Variants in FILIP1 observed in about 807,000 individuals in gnomAD.
The protein encoded by FILIP1 is filamin A interacting protein 1, also known as filamin-A-interacting protein 1.
In FILIP1, 61 loss-of-function variants were observed where a neutral mutation model predicts 102.1. The ratio of observed to expected loss-of-function variants is 0.60; its 90% CI spans 0.49 to 0.74. The LOEUF is 0.74. Among genes scored for constraint, FILIP1 ranks in the 30% least tolerant of loss-of-function variants. The probability of loss-of-function intolerance (pLI) is 0.00; values close to 1 mark genes in which losing one functional copy is unlikely to be tolerated. For synonymous variants in FILIP1, 491 were observed against 526.9 expected, an observed-to-expected ratio of 0.93 and a Z score of 0.93; for missense variants, 1,314 against 1,441.2, an observed-to-expected ratio of 0.91 and a Z score of 1.43.
At chr6:75,305,390 T>C (rs1772957570), downstream of FILIP1, among the ~76,000 whole-genome samples, 1 of 152,214 alleles carries the variant, frequency 6.6e-6, no homozygotes, top group South Asian at 2.1e-4. Context: ...TCCGAAATTA[T>C]ACTCTTCCCA....
chr6:75,319,321 C>CT (rs1773557445), intron 4 of FILIP1: 1 of 651,520 alleles, frequency 1.5e-6, no homozygotes, highest in Non-Finnish European at 2.9e-6. Flanking sequence ...GGATGTTCTT[C>CT]TTTGATTTTT....
chr6:75,309,931 C>T (rs777767629), intron 5 of FILIP1, among the ~76,000 whole-genome samples: 2 of 152,090 alleles, frequency 1.3e-5, no homozygotes, highest in Non-Finnish European at 2.9e-5. Flanking sequence ...CTGTTTTCCA[C>T]ACACATGTTT....
At chr6:75,338,714 G>C (rs1169574396) in intron 4 of FILIP1, among the ~76,000 whole-genome samples, 1 of 152,146 alleles carries the variant, frequency 6.6e-6, no homozygotes, top group Non-Finnish European at 1.5e-5. Context: ...TGCCAATTTA[G>C]AGCAGAATTC....
At chr6:75,326,116 T>G (rs117636429) in intron 4 of FILIP1, among the ~76,000 whole-genome samples, 7 of 108,790 alleles carry the variant, frequency 6.4e-5, no homozygotes, top group African/African-American at 9.4e-5. Flanking sequence ...GATAGAGAGA[T>G]AGATAGATAT....
intron 4 of FILIP1, among the ~76,000 whole-genome samples, chr6:75,316,936 T>G (rs1412241222): frequency 6.6e-6 from 1 of 152,248 alleles, no homozygotes; most frequent in Non-Finnish European, 1.5e-5. Flanking sequence ...TAAAATACCA[T>G]TTTCAAATTC....
At chr6:75,340,728 C>G (rs999724519) in intron 4 of FILIP1, among the ~76,000 whole-genome samples, 2 of 151,934 alleles carry the variant, frequency 1.3e-5, no homozygotes, top group Non-Finnish European at 2.9e-5. Flanking sequence ...TGGAGTCTCA[C>G]TTTGTCACTC....
At chr6:75,381,375 G>A (rs1195157555) in intron 2 of FILIP1, among the ~76,000 whole-genome samples, 1 of 151,878 alleles carries the variant, frequency 6.6e-6, no homozygotes, top group African/African-American at 2.4e-5. Context: ...GATTACAGGC[G>A]CGTGCCACCA....
chr6:75,334,558 C>T (rs1313416263), intron 4 of FILIP1: 1 of 152,146 alleles, frequency 6.6e-6, no homozygotes, highest in African/African-American at 2.4e-5. Flanking sequence ...GAGTTTACTG[C>T]CAAGTAAGCC....
chr6:75,372,675 AAGAAAGAAAGAGAAAGAAAG>A lies in FILIP1; in HGVS notation c.277-9778_277-9759del, dbSNP rs1481876086. ...AAAGAAAGAAAGAAAGAAAGAAAGA[AAGAAAGAAAGAGAAAGAAAG>A]AGAAAGAAAGAAAGAAAGGAAAGAA... On this transcript the variant is annotated intron_variant, in intron 2 of 5. Transcript: ENST00000237172. Among the ~76,000 whole-genome samples, 29 of 60,468 alleles carry A rather than the reference AAGAAAGAAAGAGAAAGAAAG, an allele frequency of 4.8e-4. 3 individuals are homozygous for A. The highest frequency in any genetic ancestry group is 2.5e-3 in the African/African-American group (26 of 10,260). The allele number at this position is 60,468 out of a possible 152,430, so 39.7% of individuals were successfully genotyped here. A position where few individuals can be genotyped will look rare whatever the true frequency, so the allele number is the denominator to read the frequency against.
intron 1 of FILIP1, among the ~76,000 whole-genome samples, chr6:75,477,804 G>A (rs1003483876): frequency 6.6e-6 from 1 of 152,104 alleles, no homozygotes; most frequent in Non-Finnish European, 1.5e-5. Context: ...GTGTGATTAT[G>A]TCAAGGAGGC....
At chr6:75,351,666 G>C (rs1774812577) in intron 4 of FILIP1, among the ~76,000 whole-genome samples, 1 of 152,214 alleles carries the variant, frequency 6.6e-6, no homozygotes, top group Admixed American at 6.5e-5. Flanking sequence ...GTAACAGGCT[G>C]TGCCATATAG....
intron 1 of FILIP1, among the ~76,000 whole-genome samples, chr6:75,460,141 ATTC>A (rs912562188): frequency 3.3e-5 from 5 of 152,304 alleles, no homozygotes; most frequent in Admixed American, 3.3e-4. Context: ...ATGTCTAAGG[ATTC>A]TTTGGTTGGA....
rs760896137 is a variant in FILIP1 at position 75,372,621 on chromosome 6, A to AAAAGAAAGAAAGAAAGAAAG, written c.277-9724_277-9705dup. Among the ~76,000 whole-genome samples, 70 of 42,246 alleles carry AAAAGAAAGAAAGAAAGAAAG rather than the reference A, an allele frequency of 1.7e-3. 1 individual carries two copies. Among genetic ancestry groups the AAAAGAAAGAAAGAAAGAAAG allele is most frequent in the Admixed American group, 5.0e-3 (14 of 2,826 alleles). 27.7% of individuals were successfully genotyped at this position (42,246 alleles called of 152,430 possible). A position where few individuals can be genotyped will look rare whatever the true frequency, so the allele number is the denominator to read the frequency against. On this transcript the variant is annotated intron_variant, in intron 2 of 5. Transcript: ENST00000237172. ...TATCAAGAAAAGAAAGAAAGAAAGA[A>AAAAGAAAGAAAGAAAGAAAG]AAAGAAAGAAAGAAAGAAAGAAAGA... is the stretch of plus-strand genomic sequence containing the variant.
At chr6:75,303,735 G>A (rs543509213), downstream of FILIP1, among the ~76,000 whole-genome samples, 2 of 151,534 alleles carry the variant, frequency 1.3e-5, no homozygotes, top group South Asian at 4.2e-4. Context: ...ACTATTAGAA[G>A]ATGTAAAGAG....
intron 4 of FILIP1, among the ~76,000 whole-genome samples, chr6:75,345,650 G>A (rs1774556548): frequency 6.6e-6 from 1 of 152,124 alleles, no homozygotes; most frequent in South Asian, 2.1e-4. Flanking sequence ...ACCAATCTGT[G>A]AGCCCTATGT....
chr6:75,447,989 G>C (rs1310824895), intron 1 of FILIP1, among the ~76,000 whole-genome samples: 1 of 151,910 alleles, frequency 6.6e-6, no homozygotes, highest in Admixed American at 6.6e-5. Context: ...AAAAATAATT[G>C]TAATATCACA....
intron 6 of FILIP1, among the ~76,000 whole-genome samples, chr6:75,296,225 A>G (rs1403260014): frequency 6.6e-6 from 1 of 152,078 alleles, no homozygotes; most frequent in Non-Finnish European, 1.5e-5. Context: ...GAAAACAAAG[A>G]TAGTAATTAC....
chr6:75,294,135 A>G (rs995550479), exon 7 of FILIP1: 1 of 152,220 alleles, frequency 6.6e-6, no homozygotes, highest in Non-Finnish European at 1.5e-5. Context: ...TGTAACTTAA[A>G]ACCTTCCAAG....
At chr6:75,326,436 T>C (rs1268439634) in intron 4 of FILIP1, among the ~76,000 whole-genome samples, 1 of 151,912 alleles carries the variant, frequency 6.6e-6, no homozygotes, top group Non-Finnish European at 1.5e-5. Context: ...ATCTCAGAAA[T>C]CACCACTAAA....
Sources: allele counts gnomAD v4.1 joint callset (sites outside exome capture counted in the v4.1 genomes callset), GRCh38; gene constraint gnomAD v4.1.1; transcripts MANE v1.5; gene names NCBI Gene and HGNC (gene_info 2026-07-23, HGNC 2026-07-21).